The following OVCH1 variants were observed in gnomAD, a reference collection of about 807,000 sequenced individuals.
OVCH1 encodes the protein ovochymase 1.
In OVCH1, 139 loss-of-function variants were observed where a neutral mutation model predicts 138.4. The observed-to-expected ratio is 1.00, with a 90% CI of 0.87 to 1.16. OVCH1 has a LOEUF of 1.16. OVCH1 is among the 50% of genes most tolerant of loss of function. The pLI is 0.00. For missense variants in OVCH1, 1,367 were observed against 1,357.9 expected (o/e 1.01, Z -0.11); for synonymous variants, 453 against 467.8 (o/e 0.97, Z 0.41).
intron 21 of OVCH1, among the ~76,000 whole-genome samples, chr12:29,453,839 C>G (rs1306071254): frequency 6.6e-6 from 1 of 152,164 alleles, no homozygotes; most frequent in Admixed American, 6.6e-5. Flanking sequence ...ACTAAGCTAA[C>G]TGGGGGCATT....
chr12:29,460,251 T>C (rs925803133), intron 19 of OVCH1, among the ~76,000 whole-genome samples: 3 of 152,150 alleles, frequency 2.0e-5, no homozygotes, highest in Non-Finnish European at 2.9e-5. Context: ...CAAAATAAGC[T>C]CACCTTGTAA....
At chr12:29,409,145 C>A (rs369235282), downstream of OVCH1, among the ~76,000 whole-genome samples, 6 of 151,856 alleles carry the variant, frequency 4.0e-5, no homozygotes, top group African/African-American at 1.2e-4. Context: ...CTGTGGGATC[C>A]GTGGTGATAT....
exon 14 of OVCH1, chr12:29,475,103 G>A (rs370004539): frequency 3.4e-5 from 54 of 1,579,182 alleles, no homozygotes; most frequent in African/African-American, 5.4e-5. Flanking sequence ...CCTTGTAAAC[G>A]ATTTTTACCA....
At chr12:29,412,884 G>C (rs1186514613) in intron 3 of OVCH1, among the ~76,000 whole-genome samples, 1 of 152,160 alleles carries the variant, frequency 6.6e-6, no homozygotes, top group Non-Finnish European at 1.5e-5. Flanking sequence ...GTCTCACGCT[G>C]TCATCCAGAC....
At chr12:29,497,483 C>T (rs940552140) in intron 1 of OVCH1, 140 bp downstream of exon 1, 1 of 980,644 alleles carries the variant, frequency 1.0e-6, no homozygotes, top group Non-Finnish European at 1.5e-6. Flanking sequence ...GAGCATGCAC[C>T]ACCCCCTCAC....
At chr12:29,441,099 T>C (rs1941473445) in intron 25 of OVCH1, among the ~76,000 whole-genome samples, 1 of 152,152 alleles carries the variant, frequency 6.6e-6, no homozygotes, top group Admixed American at 6.5e-5. Context: ...ATATATCCCA[T>C]GGTGTCCAGA....
intron 16 of OVCH1, among the ~76,000 whole-genome samples, chr12:29,467,442 A>G (rs1314817091): frequency 6.6e-6 from 1 of 152,178 alleles, no homozygotes; most frequent in Non-Finnish European, 1.5e-5. Flanking sequence ...TAGTAGGAAC[A>G]TAGCTCAAGG....
intron 3 of OVCH1, among the ~76,000 whole-genome samples, chr12:29,418,886 T>TG (rs1440109205): frequency 4.6e-5 from 7 of 152,222 alleles, no homozygotes; most frequent in Non-Finnish European, 7.3e-5. Flanking sequence ...AGAGATATGG[T>TG]ATTGCACTAT....
At chr12:29,492,002 G>A (rs559404234) in intron 4 of OVCH1, among the ~76,000 whole-genome samples, 13 of 152,140 alleles carry the variant, frequency 8.5e-5, no homozygotes, top group South Asian at 8.3e-4. Context: ...GTGTTTGTGT[G>A]TTGGGTGAGA....
the OVCH1 span, among the ~76,000 whole-genome samples, chr12:29,407,080 G>GT: frequency 9.0e-3 from 1,375 of 152,182 alleles, 8 homozygotes; most frequent in Admixed American, 0.02. Context: ...TTTTTCATGT[G>GT]TTTTTTGGCT....
chr12:29,467,571 GGAA>G (rs1364901275), intron 16 of OVCH1, among the ~76,000 whole-genome samples: 1 of 152,086 alleles, frequency 6.6e-6, no homozygotes, highest in Non-Finnish European at 1.5e-5. Flanking sequence ...TTATTGCTAT[GGAA>G]GAAGAGAGAG....
intron 4 of OVCH1, among the ~76,000 whole-genome samples, chr12:29,491,409 A>G (rs1943269394): frequency 6.6e-6 from 1 of 152,222 alleles, no homozygotes; most frequent in Non-Finnish European, 1.5e-5. Context: ...CATAAGGCCA[A>G]TTGTTCCGCA....
chr12:29,418,384 A>G (rs1941059496), intron 3 of OVCH1, among the ~76,000 whole-genome samples: 2 of 152,252 alleles, frequency 1.3e-5, no homozygotes, highest in South Asian at 4.1e-4. Context: ...AAAATTAAAA[A>G]TTAATTTCTT....
At chr12:29,415,755 A>G (rs998834281) in intron 3 of OVCH1, among the ~76,000 whole-genome samples, 1 of 152,208 alleles carries the variant, frequency 6.6e-6, no homozygotes, top group African/African-American at 2.4e-5. Flanking sequence ...CTTTAATGCA[A>G]TTTCTATCAA....
At chr12:29,469,497 C>A (rs1023150466) in intron 16 of OVCH1, among the ~76,000 whole-genome samples, 4 of 152,036 alleles carry the variant, frequency 2.6e-5, no homozygotes, top group African/African-American at 9.7e-5. Flanking sequence ...ACTACAATGA[C>A]CTTGAGACAG....
chr12:29,464,343 C>T, intron 18 of OVCH1, 164 bp downstream of exon 18: 1 of 829,022 alleles, frequency 1.2e-6, no homozygotes, highest in South Asian at 1.5e-5. Context: ...TTTTAAATAG[C>T]TCATTCTCTA....
At chr12:29,434,701 C>T (rs1022818733) in intron 26 of OVCH1, among the ~76,000 whole-genome samples, 2 of 127,694 alleles carry the variant, frequency 1.6e-5, no homozygotes, top group Non-Finnish European at 3.4e-5. Flanking sequence ...ACATAATTTA[C>T]CTTGTCCCCA....
intron 8 of OVCH1, among the ~76,000 whole-genome samples, chr12:29,479,176 A>C (rs547623240): frequency 1.3e-5 from 2 of 152,366 alleles, no homozygotes; most frequent in East Asian, 3.9e-4. Context: ...TAATTGGAGA[A>C]TGACCAGAAA....
intron 14 of OVCH1, among the ~76,000 whole-genome samples, chr12:29,474,074 T>TATACAC (rs1555150616): frequency 1.3e-4 from 19 of 145,192 alleles, no homozygotes; most frequent in African/African-American, 4.5e-4. Context: ...CACACACACA[T>TATACAC]ACACACACAC....
Sources: allele counts gnomAD v4.1 joint callset (sites outside exome capture counted in the v4.1 genomes callset), GRCh38; gene constraint gnomAD v4.1.1; transcripts MANE v1.5; gene names NCBI Gene and HGNC (gene_info 2026-07-23, HGNC 2026-07-21).